The following NCAM2 variants were observed in gnomAD, a reference collection of about 807,000 sequenced individuals.
NCAM2 encodes the protein neural cell adhesion molecule 2.
NCAM2 carries 30 observed loss-of-function variants against 98.1 expected under a neutral mutation model. That is an observed-to-expected ratio of 0.31 (90% CI 0.23 to 0.41). NCAM2 has a LOEUF of 0.41. Among genes scored for constraint, NCAM2 ranks in the 10% least tolerant of loss-of-function variants. The pLI is 1.00. For synonymous variants in NCAM2, 368 were observed against 342.4 expected (o/e 1.07, Z -0.83); for missense variants, 867 against 1,005.8 (o/e 0.86, Z 1.87).
At chr21:21,320,248 C>G (rs756258277) in intron 5 of NCAM2, among the ~76,000 whole-genome samples, 7 of 152,118 alleles carry the variant, frequency 4.6e-5, no homozygotes, top group Non-Finnish European at 8.8e-5. Context: ...TCAGTTGACA[C>G]TGAAGATTGA....
At chr21:21,387,196 A>G (rs150038249) in intron 9 of NCAM2, among the ~76,000 whole-genome samples, 1 of 89,710 alleles carries the variant, frequency 1.1e-5, no homozygotes, top group East Asian at 3.7e-4. Context: ...ATACACACAC[A>G]CACACACACA....
rs149690970 is a variant in NCAM2 at position 21,174,776 on chromosome 21, A to G, written c.56-105802A>G. Among the ~76,000 whole-genome samples the G allele has an allele frequency of 3.3e-5, 5 of 151,840 alleles. No homozygotes were observed. In the East Asian group the frequency reaches 9.7e-4, roughly 29 times the overall value. ...AATACCAATAATACAATTACAAATA[A>G]AGAAAATTGTTATGAGAAAAGAGAG... On this transcript the variant is annotated intron_variant, in intron 1 of 17. Coordinates refer to ENST00000400546, the MANE Select transcript of NCAM2 (RefSeq NM_004540.5).
chr21:21,160,589 C>G (rs1367148892), intron 1 of NCAM2, among the ~76,000 whole-genome samples: 1 of 151,904 alleles, frequency 6.6e-6, no homozygotes, highest in African/African-American at 2.4e-5. Context: ...ATACTGCAGT[C>G]TCATATCAGT....
At chr21:21,358,155 C>T (rs181738422) in intron 8 of NCAM2, among the ~76,000 whole-genome samples, 63 of 152,106 alleles carry the variant, frequency 4.1e-4, no homozygotes, top group African/African-American at 1.4e-3. Flanking sequence ...GTGATGTTGC[C>T]GTAGAGGATC....
At chr21:21,063,472 C>T (rs1217258448) in intron 1 of NCAM2, among the ~76,000 whole-genome samples, 1 of 152,008 alleles carries the variant, frequency 6.6e-6, no homozygotes, top group Non-Finnish European at 1.5e-5. Context: ...CCACCCGCCT[C>T]AGCCTCCCAA....
At chr21:21,340,101 C>G (rs753972089) in intron 8 of NCAM2, among the ~76,000 whole-genome samples, 1 of 151,878 alleles carries the variant, frequency 6.6e-6, no homozygotes, top group Non-Finnish European at 1.5e-5. Flanking sequence ...AAAATACAAT[C>G]GTATCTGAAA....
chr21:20,998,457 G>C lies in NCAM2; in HGVS notation c.-107G>C, dbSNP rs1480716662. On this transcript the variant is annotated 5_prime_UTR_variant, in exon 1 of 18. Coordinates refer to ENST00000400546, the MANE Select transcript of NCAM2 (RefSeq NM_004540.5). ...GCTGCGGGCGGCTGGGGCACCGCGGGAGCGGCGGCGGCGGCTCTAGCAGAG... is the reference window on the plus strand; with the variant it reads ...GCTGCGGGCGGCTGGGGCACCGCGGCAGCGGCGGCGGCGGCTCTAGCAGAG... The C allele has an allele frequency of 9.0e-7, 1 of 1,108,032 alleles. No homozygotes were observed. Among genetic ancestry groups the C allele is most frequent in the Non-Finnish European group, 1.3e-6 (1 of 780,824 alleles). The allele number at this position is 1,108,032 out of a possible 1,614,324, so 68.6% of individuals were successfully genotyped here.
Position 21,432,130 on chromosome 21 carries a change from A to G in NCAM2, c.1503A>G (p.Gly501=). The G allele has an allele frequency of 6.2e-7, 1 of 1,613,934 alleles. No homozygotes were observed. Among genetic ancestry groups the G allele is most frequent in the Non-Finnish European group, 8.5e-7 (1 of 1,179,908 alleles). ...TAGACGTGCCATCCAGTCCCTATGG[A>G]GTGAAGATCATAGAGCTGTCGCAGA... ...ALADVPSSPY[G]VKIIELSQTT... The change falls in exon 12 of 18, where the codon GGA becomes GGG. Residue 501 remains glycine, a synonymous_variant. Transcript: ENST00000400546.
chr21:21,518,026 A>C (rs1225426031), intron 16 of NCAM2, among the ~76,000 whole-genome samples: 1 of 152,144 alleles, frequency 6.6e-6, no homozygotes, highest in African/African-American at 2.4e-5. Flanking sequence ...TCTTCATAAA[A>C]TGAGAATTTA....
At chr21:21,392,357 G>A (rs890412766) in intron 9 of NCAM2, among the ~76,000 whole-genome samples, 3 of 152,174 alleles carry the variant, frequency 2.0e-5, no homozygotes, top group Non-Finnish European at 4.4e-5. Context: ...ATCATTGATG[G>A]ACATTTAGGT....
intron 1 of NCAM2, among the ~76,000 whole-genome samples, chr21:21,183,368 G>A (rs574326246): frequency 7.9e-5 from 12 of 152,184 alleles, no homozygotes; most frequent in Admixed American, 7.9e-4. Flanking sequence ...GAATAACAGA[G>A]CCACCGTGGA....
intron 1 of NCAM2, among the ~76,000 whole-genome samples, chr21:21,106,044 G>A (rs1307170006): frequency 6.6e-6 from 1 of 151,872 alleles, no homozygotes; most frequent in African/African-American, 2.4e-5. Context: ...GTATGTGTAC[G>A]TGTGTATGTA....
chr21:21,023,998 A>G (rs539266003), intron 1 of NCAM2, among the ~76,000 whole-genome samples: 1 of 152,314 alleles, frequency 6.6e-6, no homozygotes, highest in South Asian at 2.1e-4. Flanking sequence ...CCCTGTGGGT[A>G]ATAAAAAGAT....
intron 1 of NCAM2, among the ~76,000 whole-genome samples, chr21:21,238,271 G>A (rs2070923926): frequency 6.6e-6 from 1 of 151,934 alleles, no homozygotes; most frequent in African/African-American, 2.4e-5. Context: ...CAGTATTACT[G>A]ATTTTAATTT....
In NCAM2 at chr21:21,325,037, A is replaced by T. The variant is rs561836843; in HGVS notation, c.737+537A>T. On this transcript the variant is annotated intron_variant, in intron 6 of 17. Coordinates refer to ENST00000400546, the MANE Select transcript of NCAM2 (RefSeq NM_004540.5). ...TTCTAAATCTATAATTTGATAGTTT[A>T]TTTTTTTAGAATTTTAAAATACTAT... Among the ~76,000 whole-genome samples, 1,089 of 128,762 alleles carry T rather than the reference A, an allele frequency of 8.5e-3. 29 individuals are homozygous for T. Among genetic ancestry groups the T allele is most frequent in the Admixed American group, 0.069 (828 of 11,934 alleles). 84.5% of individuals were successfully genotyped at this position (128,762 alleles called of 152,430 possible). A position where few individuals can be genotyped will look rare whatever the true frequency, so the allele number is the denominator to read the frequency against.
intron 1 of NCAM2, among the ~76,000 whole-genome samples, chr21:21,129,400 A>T (rs1232268595): frequency 6.6e-6 from 1 of 152,184 alleles, no homozygotes; most frequent in African/African-American, 2.4e-5. Flanking sequence ...TAATGACTCA[A>T]CTAGTCTTAC....
intron 1 of NCAM2, among the ~76,000 whole-genome samples, chr21:21,011,464 C>CATATA (rs2064209155): frequency 2.6e-5 from 4 of 151,976 alleles, no homozygotes; most frequent in African/African-American, 9.7e-5. Flanking sequence ...TCCCACCCAG[C>CATATA]TGTATAATAC....
chr21:20,998,538 C>T lies in NCAM2; in HGVS notation c.-26C>T, dbSNP rs1431578614. On this transcript the variant is annotated 5_prime_UTR_variant, in exon 1 of 18. Coordinates refer to ENST00000400546, the MANE Select transcript of NCAM2 (RefSeq NM_004540.5). ...AGGGCTGGACTTAATAACTTTGAAA[C>T]TGTCCACCGGTGTCACGTCCTGAAC... 6.2e-7 allele frequency: 1 copy of T among 1,612,012 alleles called. No individual in the cohort carries two copies. The highest frequency in any genetic ancestry group is 8.5e-7 in the Non-Finnish European group (1 of 1,178,242).
intron 9 of NCAM2, among the ~76,000 whole-genome samples, chr21:21,379,523 G>A (rs2076105697): frequency 2.0e-5 from 3 of 152,018 alleles, no homozygotes; most frequent in African/African-American, 7.2e-5. Flanking sequence ...TCATAGTTAT[G>A]TACAAGAATC....
Sources: allele counts gnomAD v4.1 joint callset (sites outside exome capture counted in the v4.1 genomes callset), GRCh38; gene constraint gnomAD v4.1.1; transcripts MANE v1.5; gene names NCBI Gene and HGNC (gene_info 2026-07-23, HGNC 2026-07-21).